GSE1: variants seen among roughly 807,000 people sequenced by gnomAD.
GSE1 encodes Gse1 coiled-coil protein.
GSE1 carries 32 observed loss-of-function variants against 112.6 expected under a neutral mutation model. That is an observed-to-expected ratio of 0.28 (90% CI 0.21 to 0.38). The LOEUF (loss-of-function observed/expected upper bound fraction) is 0.38. Among genes scored for constraint, GSE1 ranks in the 10% least tolerant of loss-of-function variants. The pLI, the probability that GSE1 is intolerant of heterozygous loss-of-function variation, is 1.00. For synonymous variants in GSE1, 1,115 were observed against 735.6 expected (o/e 1.52, Z -8.35); for missense variants, 2,348 against 1,699.2 (o/e 1.38, Z -6.71).
At chr16:85,650,666 C>T (rs556896665) in intron 3 of GSE1, among the ~76,000 whole-genome samples, 8 of 152,292 alleles carry the variant, frequency 5.3e-5, no homozygotes, top group South Asian at 4.1e-4. Flanking sequence ...TAATGGAACA[C>T]GGTGCCGCCA....
At chr16:85,175,526 C>G (rs2074444323) in intron 1 of GSE1, among the ~76,000 whole-genome samples, 1 of 152,256 alleles carries the variant, frequency 6.6e-6, no homozygotes, top group Admixed American at 6.5e-5. Flanking sequence ...GTGAGAGCGC[C>G]TGGCTCGCAG....
At chr16:85,238,046 G>A (rs1490031123) in intron 1 of GSE1, among the ~76,000 whole-genome samples, 5 of 152,152 alleles carry the variant, frequency 3.3e-5, no homozygotes, top group Non-Finnish European at 7.4e-5. Flanking sequence ...CCTGGGTAGG[G>A]GCAGTGGAGA....
At chr16:85,423,707 G>A (rs890224252) in intron 2 of GSE1, among the ~76,000 whole-genome samples, 2 of 141,888 alleles carry the variant, frequency 1.4e-5, no homozygotes, top group East Asian at 2.0e-4. Context: ...AGACCAAACC[G>A]TGGCAAGCGT....
chr16:85,223,674 G>A (rs1466945621), intron 1 of GSE1, among the ~76,000 whole-genome samples: 2 of 151,222 alleles, frequency 1.3e-5, no homozygotes, highest in Non-Finnish European at 1.5e-5. Context: ...GCGTGATCTC[G>A]GCTCACTGCA....
chr16:85,303,810 A>G (rs2045590975), intron 1 of GSE1, among the ~76,000 whole-genome samples: 1 of 152,238 alleles, frequency 6.6e-6, no homozygotes, highest in Non-Finnish European at 1.5e-5. Context: ...GGGTGAACAC[A>G]GGCCCTGGCC....
At chr16:85,360,477 G>T (rs1434251077) in intron 2 of GSE1, among the ~76,000 whole-genome samples, 1 of 152,204 alleles carries the variant, frequency 6.6e-6, no homozygotes, top group Non-Finnish European at 1.5e-5. Flanking sequence ...CCCACCAGGA[G>T]CATGTCCCGC....
chr16:85,183,610 A>G (rs1038934145), intron 1 of GSE1, among the ~76,000 whole-genome samples: 1 of 152,144 alleles, frequency 6.6e-6, no homozygotes, highest in African/African-American at 2.4e-5. Context: ...ACTCAGATAG[A>G]TGTTTGCACT....
upstream of GSE1, among the ~76,000 whole-genome samples, chr16:85,609,411 T>C (rs2047862877): frequency 6.6e-6 from 1 of 152,236 alleles, no homozygotes; most frequent in African/African-American, 2.4e-5. Context: ...CCCTGGCCTC[T>C]CTGAGGTGCT....
chr16:85,485,152 C>T (rs1441577952), intron 2 of GSE1, among the ~76,000 whole-genome samples: 2 of 152,242 alleles, frequency 1.3e-5, no homozygotes, highest in East Asian at 1.9e-4. Flanking sequence ...TTCCGGGCAG[C>T]GTTCACGCCA....
chr16:85,372,649 C>G (rs907891873), intron 2 of GSE1, among the ~76,000 whole-genome samples: 4 of 152,336 alleles, frequency 2.6e-5, no homozygotes, highest in Non-Finnish European at 2.9e-5. Context: ...GTCAAGGAGT[C>G]TGTGGAGGTC....
At chr16:85,533,758 G>A (rs2044219551) in intron 2 of GSE1, among the ~76,000 whole-genome samples, 1 of 151,964 alleles carries the variant, frequency 6.6e-6, no homozygotes. Context: ...CCAGCTACTT[G>A]GGAGGCTGAG....
intron 2 of GSE1, among the ~76,000 whole-genome samples, chr16:85,519,734 T>C (rs1422551822): frequency 1.3e-5 from 1 of 75,318 alleles, no homozygotes; most frequent in Non-Finnish European, 2.7e-5. Flanking sequence ...ACCATCACCA[T>C]CACCACCATC....
intron 1 of GSE1, among the ~76,000 whole-genome samples, chr16:85,244,948 G>C (rs1466035314): frequency 2.7e-5 from 4 of 149,856 alleles, no homozygotes; most frequent in Admixed American, 6.7e-5. Context: ...CTGAGATCGT[G>C]CCACTGTACT....
intron 2 of GSE1, among the ~76,000 whole-genome samples, chr16:85,536,524 G>A (rs530363761): frequency 5.3e-5 from 8 of 152,298 alleles, no homozygotes; most frequent in African/African-American, 1.7e-4. Flanking sequence ...ATGGGACATC[G>A]GTCACACCTC....
At chr16:85,455,813 A>G (rs2049811090) in intron 2 of GSE1, among the ~76,000 whole-genome samples, 1 of 152,196 alleles carries the variant, frequency 6.6e-6, no homozygotes, top group African/African-American at 2.4e-5. Context: ...TGAAAGCGTC[A>G]CGCTCTCTCT....
chr16:85,367,474 C>G (rs113068549), intron 2 of GSE1, among the ~76,000 whole-genome samples: 1 of 152,326 alleles, frequency 6.6e-6, no homozygotes, highest in East Asian at 1.9e-4. Flanking sequence ...AGATAACTCC[C>G]GAATGAGCAG....
At chr16:85,630,870 G>A (rs1001313775) in intron 1 of GSE1, among the ~76,000 whole-genome samples, 20 of 152,154 alleles carry the variant, frequency 1.3e-4, no homozygotes, top group Admixed American at 4.6e-4. Context: ...GGGCTTGGGC[G>A]ATGGCTGTGA....
rs1409033000 is a variant in GSE1 at position 85,170,472 on chromosome 16, C to T, written c.948C>T (p.Phe316=). The T allele has an allele frequency of 5.1e-6, 5 of 985,512 alleles. No homozygotes were observed. In the Admixed American group the frequency reaches 1.8e-4, roughly 36 times the overall value. 61.0% of individuals were successfully genotyped at this position (985,512 alleles called of 1,614,324 possible). The change falls in exon 1 of 3, where the codon TTC becomes TTT. Residue 316 remains phenylalanine, a synonymous_variant. Coordinates refer to the GSE1 transcript ENST00000637419. Reference sequence around the variant, plus strand: ...CGCTGGGGGAGACCCTACGGGGCTTCTGCACCTCCGAGGACAGTGACATCA... The same window carrying T: ...CGCTGGGGGAGACCCTACGGGGCTTTTGCACCTCCGAGGACAGTGACATCA...
intron 1 of GSE1, among the ~76,000 whole-genome samples, chr16:85,601,867 G>C (rs1227214220): frequency 6.6e-6 from 1 of 152,188 alleles, no homozygotes; most frequent in African/African-American, 2.4e-5. Flanking sequence ...CTCTGTCTGC[G>C]TGCATCGCTT....
Sources: gnomAD v4.1 joint callset for allele counts (sites outside exome capture counted in the v4.1 genomes callset) on GRCh38, gnomAD v4.1.1 for gene constraint, MANE v1.5 for transcripts, NCBI Gene and HGNC (gene_info 2026-07-23, HGNC 2026-07-21) for gene names.